Variants in ZNF267 observed in about 807,000 individuals in gnomAD.
ZNF267 encodes the protein zinc finger protein 267.
ZNF267 carries 61 observed loss-of-function variants against 71.6 expected under a neutral mutation model. The ratio of observed to expected loss-of-function variants is 0.85; its 90% confidence interval spans 0.69 to 1.05. The LOEUF is 1.05. Among genes scored for constraint, ZNF267 ranks in the 50% least tolerant of loss-of-function variants. ZNF267 has a pLI of 0.00. For synonymous variants in ZNF267, 288 were observed against 293.2 expected (o/e 0.98, Z 0.18); for missense variants, 852 against 870.0 (o/e 0.98, Z 0.26).
At chr16:31,904,650 C>A (rs2084072693) in intron 3 of ZNF267, among the ~76,000 whole-genome samples, 1 of 152,196 alleles carries the variant, frequency 6.6e-6, no homozygotes, top group South Asian at 2.1e-4. Context: ...AGATCTTCCT[C>A]CGTCCCTTTA....
intron 1 of ZNF267, among the ~76,000 whole-genome samples, chr16:31,877,473 C>T (rs143976077): frequency 7.2e-5 from 11 of 152,044 alleles, no homozygotes; most frequent in Non-Finnish European, 1.3e-4. Flanking sequence ...AAATCAGATT[C>T]GAGATCAGAG....
chr16:31,915,025 G>A lies in ZNF267; in HGVS notation c.776G>A (p.Gly259Glu), dbSNP rs772633804. 1.9e-6 allele frequency: 3 copies of A among 1,610,884 alleles called. No individual in the cohort carries two copies. In the South Asian group the frequency reaches 3.3e-5, roughly 18 times the overall value. The change falls in exon 4 of 4, where the codon GGG becomes GAG. Residue 259 changes from glycine to glutamate, a missense_variant. By Grantham distance (98) the Gly-to-Glu change is moderately conservative (BLOSUM62 -2). Coordinates refer to ENST00000300870, the MANE Select transcript of ZNF267 (RefSeq NM_003414.6). ...FEEVFLQSMH[G>E]QEKQEQSYKC... ...GAAGTCTTTCTTCAGAGTATGCATGGGCAAGAGAAACAAGAACAGTCTTAC... is the reference window on the plus strand; with the variant it reads ...GAAGTCTTTCTTCAGAGTATGCATGAGCAAGAGAAACAAGAACAGTCTTAC...
Position 31,915,346 on chromosome 16 carries a change from A to G in ZNF267, c.1097A>G (p.Tyr366Cys), listed in dbSNP as rs1481569033. The change falls in exon 4 of 4, where the codon TAC becomes TGC. Residue 366 changes from tyrosine to cysteine, a missense_variant. Physicochemically the swap from Tyr to Cys is radical, Grantham distance 194 (BLOSUM62 -2). Transcript: ENST00000300870. ...GTCTTTAACCTTAACTGTAGTTTATACCTTACTAAACAGCAGCAAATTGAT... is the reference window on the plus strand; with the variant it reads ...GTCTTTAACCTTAACTGTAGTTTATGCCTTACTAAACAGCAGCAAATTGAT... ...GKVFNLNCSL[Y>C]LTKQQQIDTG... 6.2e-7 allele frequency: 1 copy of G among 1,613,604 alleles called. No individual in the cohort carries two copies. The highest frequency in any genetic ancestry group is 8.5e-7 in the Non-Finnish European group (1 of 1,179,844).
At position 31,914,459 on chromosome 16, in the gene ZNF267, A is replaced by G; in HGVS notation, c.227-17A>G. The G allele has an allele frequency of 6.5e-7, 1 of 1,540,140 alleles. No individual in the cohort carries two copies. The highest frequency in any genetic ancestry group is 1.3e-5 in the South Asian group (1 of 78,532). On this transcript the variant is annotated splice_polypyrimidine_tract_variant and intron_variant, in intron 3 of 3. Coordinates refer to ENST00000300870, the MANE Select transcript of ZNF267 (RefSeq NM_003414.6). ...GAATATAGTAATTGGAATTCTTAAA[A>G]TTTTTATATCTTTCAGATGTGTTTT...
intron 3 of ZNF267, among the ~76,000 whole-genome samples, chr16:31,887,252 T>A (rs78360529): frequency 7.4e-6 from 1 of 135,070 alleles, no homozygotes; most frequent in Non-Finnish European, 1.6e-5. Context: ...TCAGATTTAC[T>A]TTTTTTTTTT....
chr16:31,887,490 T>G (rs547986320), intron 3 of ZNF267, among the ~76,000 whole-genome samples: 7 of 152,320 alleles, frequency 4.6e-5, no homozygotes, highest in African/African-American at 1.4e-4. Flanking sequence ...CAAAGAGATT[T>G]TTCCTTATGC....
Position 31,916,042 on chromosome 16 carries a change from A to T in ZNF267, c.1793A>T (p.His598Leu). The T allele has an allele frequency of 6.2e-7, 1 of 1,614,090 alleles. No homozygotes were observed. Among genetic ancestry groups the T allele is most frequent in the Non-Finnish European group, 8.5e-7 (1 of 1,180,016 alleles). ...SSGLTVHRRTHTGEKPYTCKE... is the reference protein window; with the variant it reads ...SSGLTVHRRTLTGEKPYTCKE... Reference sequence around the variant, plus strand: ...GGTCTTACTGTGCATCGGCGAACTCATACTGGAGAGAAACCCTATACATGT... The same window carrying T: ...GGTCTTACTGTGCATCGGCGAACTCTTACTGGAGAGAAACCCTATACATGT... The change falls in exon 4 of 4, where the codon CAT becomes CTT. Residue 598 changes from histidine to leucine, a missense_variant. By Grantham distance (99) the His-to-Leu change is moderately conservative. Coordinates refer to ENST00000300870, the MANE Select transcript of ZNF267 (RefSeq NM_003414.6).
chr16:31,879,988 T>A (rs1391331630), intron 1 of ZNF267, among the ~76,000 whole-genome samples: 2 of 152,188 alleles, frequency 1.3e-5, no homozygotes, highest in Non-Finnish European at 2.9e-5. Context: ...CCAGGATGTG[T>A]GAGAGCAGCC....
chr16:31,893,412 T>G (rs2083974820), intron 3 of ZNF267, among the ~76,000 whole-genome samples: 1 of 152,226 alleles, frequency 6.6e-6, no homozygotes, highest in African/African-American at 2.4e-5. Flanking sequence ...CCCATTATCT[T>G]GGTGATTAAC....
Position 31,885,180 on chromosome 16 carries a change from G to A in ZNF267, c.150G>A (p.Pro50=), listed in dbSNP as rs772279927. The change falls in exon 3 of 4, where the codon CCG becomes CCA. Residue 50 remains proline, a synonymous_variant. Transcript: ENST00000300870. ...LVSLGLVVSK[P]DLITFLEQRK... The stretch of plus-strand genomic sequence containing the variant: ...AAACAGGTCTTGTTGTCTCTAAGCC[G>A]GACCTGATCACCTTTTTGGAACAAA... 2.6e-5 allele frequency: 42 copies of A among 1,610,824 alleles called. No individual in the cohort carries two copies. The highest frequency in any genetic ancestry group is 2.5e-5 in the Non-Finnish European group (30 of 1,178,894).
rs2084184469 is a variant in ZNF267 at position 31,917,074 on chromosome 16, T to C, written c.*593T>C. The C allele has an allele frequency of 6.6e-6, 1 of 152,364 alleles. No homozygotes were observed. Among genetic ancestry groups the C allele is most frequent in the Non-Finnish European group, 1.5e-5 (1 of 68,154 alleles). 9.4% of individuals were successfully genotyped at this position (152,364 alleles called of 1,614,324 possible). ...ATTTGAGGTTTTTGGAAAGCAAATA[T>C]TATTTATATAATTCAGCTTTCAAAT... On this transcript the variant is annotated 3_prime_UTR_variant, in exon 4 of 4. Transcript: ENST00000300870.
intron 3 of ZNF267, among the ~76,000 whole-genome samples, chr16:31,897,879 T>C (rs2084011557): frequency 6.6e-6 from 1 of 152,198 alleles, no homozygotes; most frequent in Non-Finnish European, 1.5e-5. Context: ...ATTTTATGGC[T>C]TAAAAAGTTG....
At chr16:31,880,058 A>C (rs533769852) in intron 1 of ZNF267, among the ~76,000 whole-genome samples, 1 of 152,230 alleles carries the variant, frequency 6.6e-6, no homozygotes, top group Non-Finnish European at 1.5e-5. Flanking sequence ...TTGCAGAGCC[A>C]GGTTGATTCC....
rs1056787065 is a variant in ZNF267 at position 31,894,493 on chromosome 16, A to G, written c.226+9237A>G. 8 of 483,990 alleles carry G rather than the reference A, an allele frequency of 1.7e-5. No individual in the cohort carries two copies. The East Asian group carries it at 4.5e-4, about 27-fold the overall frequency. 30.0% of individuals were successfully genotyped at this position (483,990 alleles called of 1,614,324 possible). On this transcript the variant is annotated intron_variant, in intron 3 of 3. Transcript: ENST00000300870. ...ACTATTCTGTTGTTTAAGAATCATT[A>G]GCTCTTTGTGTGTGACACCTAATTC... is the stretch of plus-strand genomic sequence containing the variant.
At chr16:31,900,956 C>T (rs561092184) in intron 3 of ZNF267, among the ~76,000 whole-genome samples, 1 of 152,142 alleles carries the variant, frequency 6.6e-6, no homozygotes, top group South Asian at 2.1e-4. Context: ...TCCTCTCCCC[C>T]CACCCCACAA....
chr16:31,905,787 G>A (rs1042176920), intron 3 of ZNF267, among the ~76,000 whole-genome samples: 3 of 152,248 alleles, frequency 2.0e-5, no homozygotes, highest in Non-Finnish European at 2.9e-5. Context: ...CTCTCACCTC[G>A]TCAAAGTCAT....
chr16:31,903,785 C>G (rs1426574720), intron 3 of ZNF267, among the ~76,000 whole-genome samples: 1 of 152,072 alleles, frequency 6.6e-6, no homozygotes, highest in Non-Finnish European at 1.5e-5. Context: ...TCTCTGTTTC[C>G]TTCAGTTCTG....
intron 3 of ZNF267, among the ~76,000 whole-genome samples, chr16:31,910,436 G>A (rs568470559): frequency 6.6e-6 from 1 of 151,546 alleles, no homozygotes; most frequent in Admixed American, 6.6e-5. Flanking sequence ...ACTTCTTATT[G>A]GTCTGTTCAT....
At chr16:31,895,526 A>AT (rs1423595684) in intron 3 of ZNF267, among the ~76,000 whole-genome samples, 1 of 152,084 alleles carries the variant, frequency 6.6e-6, no homozygotes, top group Non-Finnish European at 1.5e-5. Flanking sequence ...ATGTTTGATG[A>AT]TTTTTTGAGG....
Sources: gnomAD v4.1 joint callset for allele counts (sites outside exome capture counted in the v4.1 genomes callset) on GRCh38, gnomAD v4.1.1 for gene constraint, MANE v1.5 for transcripts, NCBI Gene and HGNC (gene_info 2026-07-23, HGNC 2026-07-21) for gene names.